UBQLN4: variants seen among roughly 807,000 people sequenced by gnomAD.
The protein encoded by UBQLN4 is ubiquilin 4.
Under a neutral mutation model 60.4 loss-of-function variants are expected in UBQLN4, and 11 were observed. The observed-to-expected ratio is 0.18, with a 90% CI of 0.11 to 0.30. UBQLN4 has a LOEUF of 0.30. Ranked by LOEUF, UBQLN4 falls within the 10% of genes least tolerant of loss-of-function variation. The pLI, the probability that UBQLN4 is intolerant of heterozygous loss-of-function variation, is 1.00. For missense variants in UBQLN4, 417 were observed against 795.5 expected, an observed-to-expected ratio of 0.52 and a Z score of 5.72; for synonymous variants, 258 against 313.1, an observed-to-expected ratio of 0.82 and a Z score of 1.86.
rs1572280666 is a variant in UBQLN4, at chr1:156,050,434, T to C, written c.598A>G (p.Met200Val). 2.5e-6 allele frequency: 4 copies of C among 1,614,026 alleles called. No individual in the cohort carries two copies. Among genetic ancestry groups the C allele is most frequent in the Non-Finnish European group, 3.4e-6 (4 of 1,180,030 alleles). Residue 200 changes from methionine (M) to valine (V), a missense_variant, in exon 4 of 11, where the codon ATG becomes GTG. Coordinates refer to ENST00000368309, the MANE Select transcript of UBQLN4 (RefSeq NM_020131.5). The surrounding 1 kb of genome is among the most constrained non-coding windows in gnomAD (Gnocchi z 4.6). ...MSNPEMLSQI[M>V]ENPLVQDMMS... ...ATATCCTGGACCAGGGGGTTCTCCA[T>C]GATCTGTGACAGCATCTCAGGATTG...
In UBQLN4 at chr1:156,048,558, G is replaced by A. The variant is rs1422755396; in HGVS notation, c.843C>T (p.Ala281=). Residue 281 remains alanine, a synonymous_variant, in exon 5 of 11, where the codon GCC becomes GCT. Coordinates refer to ENST00000368309, the MANE Select transcript of UBQLN4 (RefSeq NM_020131.5). This position sits in a 1 kb window ranked among gnomAD's most constrained non-coding sequence, Gnocchi z 4.9. Reference sequence around the variant, plus strand: ...GGATGTCCGTGTACATGCGGCGGAGGGCATTATACCCTCCAGGGATGCTCT... The same window carrying A: ...GGATGTCCGTGTACATGCGGCGGAGAGCATTATACCCTCCAGGGATGCTCT... ...NLESIPGGYN[A]LRRMYTDIQE... 5.0e-6 allele frequency: 8 copies of A among 1,613,508 alleles called. No individual in the cohort carries two copies. Among genetic ancestry groups the A allele is most frequent in the Admixed American group, 1.7e-5 (1 of 60,000 alleles).
rs1260304407 is a variant in UBQLN4, at chr1:156,048,479, C to CT, written c.900+21dup. 1 of 1,596,240 alleles carries CT rather than the reference C, an allele frequency of 6.3e-7. No homozygotes were observed. On this transcript the variant is annotated intron_variant, in intron 5 of 10. Coordinates refer to ENST00000368309, the MANE Select transcript of UBQLN4 (RefSeq NM_020131.5). The surrounding 1 kb of genome is among the most constrained non-coding windows in gnomAD (Gnocchi z 4.9). The stretch of plus-strand genomic sequence containing the variant: ...TCTCGAGCCCAGACAGCCCAACCCA[C>CT]TACCCTGGCCCTTGATCCCACCTGT...
intron 5 of UBQLN4, 60 bp from the exon 6 acceptor site, chr1:156,044,283 C>T: frequency 7.0e-7 from 1 of 1,428,000 alleles, no homozygotes; most frequent in South Asian, 1.2e-5. Context: ...AAGGGCTAGG[C>T]CCATTCTCTC....
chr1:156,042,030 A>G, intron 8 of UBQLN4, 43 bp from the exon 9 acceptor site: 2 of 1,613,162 alleles, frequency 1.2e-6, no homozygotes, highest in Non-Finnish European at 1.7e-6. Context: ...AGGTGGCAGG[A>G]AAGAGGAGAC....
downstream of UBQLN4, among the ~76,000 whole-genome samples, chr1:156,035,053 G>A (rs934891500): frequency 6.6e-6 from 1 of 150,618 alleles, no homozygotes; most frequent in African/African-American, 2.4e-5. Flanking sequence ...ATTTTTCGTA[G>A]AGACAAGGTC....
At position 156,053,636 on chromosome 1, in the gene UBQLN4, G is replaced by C; in HGVS notation, c.66C>G (p.Asp22Glu). The change falls in exon 1 of 11, where the codon GAC becomes GAG. Residue 22 changes from aspartate to glutamate, a missense_variant. Transcript: ENST00000368309. The stretch of plus-strand genomic sequence containing the variant: ...GATCGCAGATCACAATTTCCTCCTT[G>C]TCCTTGGGGGTCTTGACGGTGACCC... ...PIRVTVKTPK[D>E]KEEIVICDRA... 7.2e-7 allele frequency: 1 copy of C among 1,382,340 alleles called. No homozygotes were observed. Among genetic ancestry groups the C allele is most frequent in the Non-Finnish European group, 9.4e-7 (1 of 1,059,136 alleles). The allele number at this position is 1,382,340 out of a possible 1,614,324, so 85.6% of individuals were successfully genotyped here.
Position 156,050,195 on chromosome 1 carries a change from C to A in UBQLN4, c.741+96G>T, listed in dbSNP as rs868317992. 1.4e-6 allele frequency: 2 copies of A among 1,458,384 alleles called. No homozygotes were observed. Among genetic ancestry groups the A allele is most frequent in the East Asian group, 2.4e-5 (1 of 41,280 alleles). 90.3% of individuals were successfully genotyped at this position (1,458,384 alleles called of 1,614,324 possible). A position where few individuals can be genotyped will look rare whatever the true frequency, so the allele number is the denominator to read the frequency against. On this transcript the variant is annotated intron_variant, in intron 4 of 10. Transcript: ENST00000368309. The surrounding 1 kb of genome is among the most constrained non-coding windows in gnomAD (Gnocchi z 4.6). ...CCAGTGTTCAAAACTGCTGAATACA[C>A]GAATGAACAAATCAATGTAGGACAA...
chr1:156,047,920 A>G (rs74486399), intron 5 of UBQLN4, among the ~76,000 whole-genome samples: 253 of 152,050 alleles, frequency 1.7e-3, no homozygotes, highest in African/African-American at 6.0e-3. Flanking sequence ...GAAAGAAAGA[A>G]AGAACCAAAA....
At chr1:156,047,531 C>T (rs1049111472) in intron 5 of UBQLN4, among the ~76,000 whole-genome samples, 3 of 151,822 alleles carry the variant, frequency 2.0e-5, no homozygotes, top group African/African-American at 7.3e-5. Context: ...GTGTCAGCCA[C>T]TGCGCCTGGC....
At position 156,051,272 on chromosome 1, in the gene UBQLN4, A is replaced by T; in HGVS notation, c.316T>A (p.Ser106Thr). 1 of 1,570,976 alleles carries T rather than the reference A, an allele frequency of 6.4e-7. No individual in the cohort carries two copies. The highest frequency in any genetic ancestry group is 8.6e-7 in the Non-Finnish European group (1 of 1,157,010). The change falls in exon 3 of 11, where the codon TCA (serine) becomes ACA (threonine). Residue 106 changes from serine to threonine, a missense_variant. Ser to Thr is a moderately conservative substitution (Grantham distance 58, BLOSUM62 1). Coordinates refer to ENST00000368309, the MANE Select transcript of UBQLN4 (RefSeq NM_020131.5). ...GAAGCAGGCGTGGTGGAGGGTGCTG[A>T]GGCAGGGTCAGGTGTGGAGGGGGAA... ...ASSPSTPDPA[S>T]APSTTPASPA...
At position 156,041,613 on chromosome 1, in the gene UBQLN4, A is replaced by G; in HGVS notation, c.1525T>C (p.Ser509Pro). 6.2e-7 allele frequency: 1 copy of G among 1,608,370 alleles called. No individual in the cohort carries two copies. The highest frequency in any genetic ancestry group is 2.2e-5 in the East Asian group (1 of 44,654). Residue 509 changes from serine (S) to proline (P), a missense_variant, in exon 10 of 11, where the codon TCT (serine) becomes CCT (proline). By Grantham distance (74) the Ser-to-Pro change is moderately conservative. Transcript: ENST00000368309. ...GAGGAAGTGGGGGCCTCGGGCGTAG[A>G]CCCTGCGTTGCTGCCTGCTGAGGGT... ...PAPSAGSNAG[S>P]TPEAPTSSPA...
intron 1 of UBQLN4, among the ~76,000 whole-genome samples, chr1:156,052,642 T>C (rs1418905678): frequency 6.6e-6 from 1 of 152,092 alleles, no homozygotes; most frequent in African/African-American, 2.4e-5. Flanking sequence ...ATTTTAAAGA[T>C]GAGAAAACTG....
At chr1:156,040,115 C>T (rs529344101) in intron 10 of UBQLN4, among the ~76,000 whole-genome samples, 9 of 151,840 alleles carry the variant, frequency 5.9e-5, no homozygotes, top group South Asian at 4.2e-4. Context: ...CCTTTCTGGA[C>T]GGGTGTGGTG....
rs1683565429 is a variant in UBQLN4 at position 156,041,572 on chromosome 1, G to A, written c.1566C>T (p.Ala522=). 1 of 1,613,180 alleles carries A rather than the reference G, an allele frequency of 6.2e-7. No homozygotes were observed. Among genetic ancestry groups the A allele is most frequent in the South Asian group, 1.1e-5 (1 of 90,970 alleles). Residue 522 remains alanine, a synonymous_variant, in exon 10 of 11, where the codon GCC becomes GCT. Coordinates refer to ENST00000368309, the MANE Select transcript of UBQLN4 (RefSeq NM_020131.5). ...EAPTSSPATP[A]TSSPTGASSA... Reference sequence around the variant, plus strand: ...TGGAAGCCCCTGTTGGAGAAGATGTGGCTGGCGTGGCTGGTGAGGAAGTGG... The same window carrying A: ...TGGAAGCCCCTGTTGGAGAAGATGTAGCTGGCGTGGCTGGTGAGGAAGTGG...
rs988871379 is a variant in UBQLN4, at chr1:156,050,066, T to C, written c.741+225A>G. ...GAGGATCCCATGATTATCCTTCTGA[T>C]AGCAATGGCCACATTGTATTCTAAT... On this transcript the variant is annotated intron_variant, in intron 4 of 10. Coordinates refer to ENST00000368309, the MANE Select transcript of UBQLN4 (RefSeq NM_020131.5). The surrounding 1 kb of genome is among the most constrained non-coding windows in gnomAD (Gnocchi z 4.6). Among the ~76,000 whole-genome samples the C allele has an allele frequency of 1.3e-5, 2 of 152,208 alleles. No individual in the cohort carries two copies. The highest frequency in any genetic ancestry group is 4.8e-5 in the African/African-American group (2 of 41,450).
At position 156,053,575 on chromosome 1, in the gene UBQLN4, C is replaced by T; in HGVS notation, c.108+19G>A. On this transcript the variant is annotated intron_variant, in intron 1 of 10. Transcript: ENST00000368309. ...GACCCCTCCTCCGCGCTCCCCCCGC[C>T]CCCCGCCTGCTGTACTACCTCCTTG... The T allele has an allele frequency of 1.6e-6, 2 of 1,255,924 alleles. No individual in the cohort carries two copies. Among genetic ancestry groups the T allele is most frequent in the African/African-American group, 1.5e-5 (1 of 65,022 alleles). 77.8% of individuals were successfully genotyped at this position (1,255,924 alleles called of 1,614,324 possible).
chr1:156,046,215 C>T (rs74543372), intron 5 of UBQLN4, among the ~76,000 whole-genome samples: 24,344 of 151,150 alleles, frequency 0.16, 2,153 homozygotes, highest in Middle Eastern at 0.26. Context: ...AGGCCGGGCA[C>T]GGTGGCTCAC....
rs1180932883 is a variant in UBQLN4, at chr1:156,036,051, A to G, written c.*927T>C. ...AATGTGTGTGTGTGTGCATATAAGC[A>G]CATATGCTTGAGGAACTAAAGCCAA... On this transcript the variant is annotated 3_prime_UTR_variant, in exon 11 of 11. Coordinates refer to ENST00000368309, the MANE Select transcript of UBQLN4 (RefSeq NM_020131.5). 2.0e-6 allele frequency: 2 copies of G among 985,490 alleles called. No individual in the cohort carries two copies. Among genetic ancestry groups the G allele is most frequent in the Non-Finnish European group, 2.4e-6 (2 of 829,966 alleles). 61.0% of individuals were successfully genotyped at this position (985,490 alleles called of 1,614,324 possible).
intron 5 of UBQLN4, among the ~76,000 whole-genome samples, chr1:156,047,671 G>A (rs373755330): frequency 6.6e-6 from 1 of 150,984 alleles, no homozygotes; most frequent in African/African-American, 2.4e-5. Context: ...CAAGGTGGGC[G>A]GATCATGAGG....
Sources: allele counts gnomAD v4.1 joint callset (sites outside exome capture counted in the v4.1 genomes callset), GRCh38; gene constraint gnomAD v4.1.1; non-coding constraint Gnocchi (gnomAD v3.1); transcripts MANE v1.5; gene names NCBI Gene and HGNC (gene_info 2026-07-23, HGNC 2026-07-21).